The following DOK6 variants were observed in gnomAD, a reference collection of about 807,000 sequenced individuals.
DOK6 encodes the protein downstream of tyrosine kinase 6.
In DOK6, 22 loss-of-function variants were observed where a neutral mutation model predicts 44.0. The ratio of observed to expected loss-of-function variants is 0.50; its 90% CI spans 0.36 to 0.71. The LOEUF is 0.71. Among genes scored for constraint, DOK6 ranks in the 30% least tolerant of loss-of-function variants. DOK6 has a pLI of 0.00. For synonymous variants in DOK6, 166 were observed against 145.5 expected (o/e 1.14, Z -1.01); for missense variants, 340 against 416.4 (o/e 0.82, Z 1.60).
chr18:69,805,233 A>G (rs886274282), intron 7 of DOK6, among the ~76,000 whole-genome samples: 2 of 152,170 alleles, frequency 1.3e-5, no homozygotes, highest in Non-Finnish European at 2.9e-5. Context: ...GAGACAGTAA[A>G]CTCATCATGA....
At chr18:69,688,196 A>G (rs779856866) in intron 4 of DOK6, among the ~76,000 whole-genome samples, 65 of 152,348 alleles carry the variant, frequency 4.3e-4, no homozygotes, top group Non-Finnish European at 2.1e-4. Flanking sequence ...TAAAAGATCT[A>G]GGTAAATGAA....
chr18:69,608,648 C>T (rs1411212008), intron 3 of DOK6, among the ~76,000 whole-genome samples: 1 of 151,846 alleles, frequency 6.6e-6, no homozygotes, highest in Admixed American at 6.6e-5. Flanking sequence ...GATGTTTTTC[C>T]ATTTGTTTGT....
intron 2 of DOK6, among the ~76,000 whole-genome samples, chr18:69,597,438 A>G (rs1445029184): frequency 1.3e-5 from 2 of 152,164 alleles, no homozygotes; most frequent in Non-Finnish European, 2.9e-5. Flanking sequence ...AAGATATCTG[A>G]TTGCTAATAA....
chr18:69,499,834 T>C (rs1980998767), intron 1 of DOK6, among the ~76,000 whole-genome samples: 1 of 152,200 alleles, frequency 6.6e-6, no homozygotes, highest in African/African-American at 2.4e-5. Flanking sequence ...TTCTAGGTTT[T>C]CTTGATGAAA....
intron 5 of DOK6, among the ~76,000 whole-genome samples, chr18:69,700,816 GTGA>G (rs1986502953): frequency 6.6e-6 from 1 of 152,180 alleles, no homozygotes; most frequent in Non-Finnish European, 1.5e-5. Context: ...GGGGTCACTG[GTGA>G]TGAGACTGGG....
At chr18:69,730,139 T>A (rs1329588318) in intron 5 of DOK6, among the ~76,000 whole-genome samples, 1 of 152,228 alleles carries the variant, frequency 6.6e-6, no homozygotes, top group Non-Finnish European at 1.5e-5. Context: ...ATGCTCCTGT[T>A]TTTCCAGCCA....
chr18:69,485,691 A>G (rs574580626), intron 1 of DOK6, among the ~76,000 whole-genome samples: 17 of 152,224 alleles, frequency 1.1e-4, no homozygotes, highest in Non-Finnish European at 2.2e-4. Context: ...ATGCAATACA[A>G]ATTGGTAGGA....
intron 1 of DOK6, among the ~76,000 whole-genome samples, chr18:69,562,437 C>T (rs914459249): frequency 6.6e-6 from 1 of 152,104 alleles, no homozygotes; most frequent in African/African-American, 2.4e-5. Context: ...TTACTGTAGC[C>T]TTGCAGTATA....
chr18:69,735,835 C>T (rs536234510), intron 5 of DOK6, among the ~76,000 whole-genome samples: 37 of 152,304 alleles, frequency 2.4e-4, no homozygotes, highest in African/African-American at 8.2e-4. Flanking sequence ...CAGAAGCCAG[C>T]CATAGGCCTA....
At chr18:69,539,398 GT>G (rs1161207048) in intron 1 of DOK6, among the ~76,000 whole-genome samples, 3 of 148,100 alleles carry the variant, frequency 2.0e-5, no homozygotes, top group Middle Eastern at 3.5e-3. Flanking sequence ...TAGTTCTAGA[GT>G]TTTTTTGTGA....
At chr18:69,765,527 TA>T (rs1256685255) in intron 7 of DOK6, among the ~76,000 whole-genome samples, 1 of 152,204 alleles carries the variant, frequency 6.6e-6, no homozygotes, top group Non-Finnish European at 1.5e-5. Flanking sequence ...CCTGCAGTCT[TA>T]ATTAATCACC....
At chr18:69,826,110 G>C (rs1981733185) in intron 7 of DOK6, among the ~76,000 whole-genome samples, 1 of 152,156 alleles carries the variant, frequency 6.6e-6, no homozygotes, top group Non-Finnish European at 1.5e-5. Flanking sequence ...TCTCCTGTAG[G>C]CCTATCAGGT....
chr18:69,486,903 A>G (rs1030383600), intron 1 of DOK6, among the ~76,000 whole-genome samples: 2 of 152,074 alleles, frequency 1.3e-5, no homozygotes, highest in Non-Finnish European at 2.9e-5. Context: ...GTTTATATAC[A>G]CCTATTTTCC....
intron 1 of DOK6, among the ~76,000 whole-genome samples, chr18:69,452,229 A>G (rs1300324063): frequency 6.7e-6 from 1 of 149,282 alleles, no homozygotes; most frequent in Non-Finnish European, 1.5e-5. Flanking sequence ...GATAAAGGGG[A>G]TATCACCACC....
chr18:69,518,542 G>A (rs1205656719), intron 1 of DOK6, among the ~76,000 whole-genome samples: 1 of 152,090 alleles, frequency 6.6e-6, no homozygotes, highest in Non-Finnish European at 1.5e-5. Flanking sequence ...TTTGCCTGAA[G>A]ACATCAGTAG....
rs141645893 is a variant in DOK6, at chr18:69,709,304, G to A, written c.599+10711G>A. Among the ~76,000 whole-genome samples the A allele has an allele frequency of 9.4e-3, 1,423 of 152,118 alleles. 10 individuals carry two copies. Among genetic ancestry groups the A allele is most frequent in the Middle Eastern group, 0.061 (18 of 294 alleles). On this transcript the variant is annotated intron_variant, in intron 5 of 7. Coordinates refer to ENST00000382713, the MANE Select transcript of DOK6 (RefSeq NM_152721.6). ...ATTATTTTTAAATTAAATAGCCAAA[G>A]TCTTGTCAAAATTCCTTATAAATGA...
chr18:69,566,327 G>A (rs913601979), intron 2 of DOK6, among the ~76,000 whole-genome samples: 3 of 151,994 alleles, frequency 2.0e-5, no homozygotes, highest in East Asian at 3.9e-4. Flanking sequence ...TAGTAGAGAC[G>A]GGATTTCACC....
chr18:69,670,510 A>G (rs1244990060), intron 3 of DOK6, among the ~76,000 whole-genome samples: 1 of 137,094 alleles, frequency 7.3e-6, no homozygotes, highest in Non-Finnish European at 1.5e-5. Context: ...TTGTGCATCA[A>G]TTTTTTTTTT....
At chr18:69,810,166 G>T (rs1981179706) in intron 7 of DOK6, among the ~76,000 whole-genome samples, 1 of 151,960 alleles carries the variant, frequency 6.6e-6, no homozygotes, top group Admixed American at 6.6e-5. Flanking sequence ...AGAGAGCTCA[G>T]AAATAAATCC....
Sources: gnomAD v4.1 joint callset for allele counts (sites outside exome capture counted in the v4.1 genomes callset) on GRCh38, gnomAD v4.1.1 for gene constraint, MANE v1.5 for transcripts, NCBI Gene and HGNC (gene_info 2026-07-23, HGNC 2026-07-21) for gene names.